The following LIMD1 variants were observed in gnomAD, a reference collection of about 807,000 sequenced individuals.
LIMD1 encodes the protein LIM domain containing 1.
Under a neutral mutation model 58.4 loss-of-function variants are expected in LIMD1, and 23 were observed. The observed-to-expected ratio is 0.39, with a 90% CI of 0.28 to 0.56. The LOEUF (loss-of-function observed/expected upper bound fraction) is 0.56. Among genes scored for constraint, LIMD1 ranks in the 20% least tolerant of loss-of-function variants. The pLI, the probability that LIMD1 is intolerant of heterozygous loss-of-function variation, is 0.57. For missense variants in LIMD1, 838 were observed against 855.5 expected (o/e 0.98, Z 0.25); for synonymous variants, 334 against 345.5 (o/e 0.97, Z 0.37).
At chr3:45,663,607 G>T (rs1409041081) in intron 2 of LIMD1, among the ~76,000 whole-genome samples, 1 of 152,140 alleles carries the variant, frequency 6.6e-6, no homozygotes, top group Non-Finnish European at 1.5e-5. Context: ...TATTCCTAAG[G>T]TATAACAGGT....
At chr3:45,618,558 G>A (rs981007838) in intron 1 of LIMD1, among the ~76,000 whole-genome samples, 2 of 152,104 alleles carry the variant, frequency 1.3e-5, no homozygotes, top group African/African-American at 4.8e-5. Flanking sequence ...ATCTTTTTAT[G>A]AATTCACTGT....
At chr3:45,598,301 T>C (rs1012254343) in intron 1 of LIMD1, among the ~76,000 whole-genome samples, 5 of 152,368 alleles carry the variant, frequency 3.3e-5, no homozygotes, top group African/African-American at 1.2e-4. Flanking sequence ...CTGTGAACTA[T>C]CTTTTCTCCT....
intron 2 of LIMD1, among the ~76,000 whole-genome samples, chr3:45,646,282 G>A (rs919735702): frequency 4.6e-5 from 7 of 152,230 alleles, no homozygotes; most frequent in Admixed American, 1.3e-4. Flanking sequence ...CTCACTGTGC[G>A]TCAGTCGCCA....
rs1701341589 is a variant in LIMD1, at chr3:45,595,825, T to G, written c.946T>G (p.Ser316Ala). 1 of 1,614,132 alleles carries G rather than the reference T, an allele frequency of 6.2e-7. No homozygotes were observed. The highest frequency in any genetic ancestry group is 8.5e-7 in the Non-Finnish European group (1 of 1,180,014). Reference protein sequence around the residue: ...PRQGGLPRSNSGLGGEVSGVM... With the variant: ...PRQGGLPRSNAGLGGEVSGVM... ...GCAAGGAGGTCTTCCAAGATCAAAC[T>G]CGGGGCTGGGGGGTGAGGTTTCAGG... is the stretch of plus-strand genomic sequence containing the variant. Residue 316 changes from serine to alanine, a missense_variant, in exon 1 of 8, where the codon TCG (serine) becomes GCG (alanine). By Grantham distance (99) the Ser-to-Ala change is moderately conservative (BLOSUM62 1). Around this residue, in one of 3 missense-constraint regions of LIMD1, gnomAD observed 659 missense variants for 639.8 expected, o/e 1.03. Transcript: ENST00000273317.
chr3:45,602,018 C>T (rs940377036), intron 1 of LIMD1, among the ~76,000 whole-genome samples: 1 of 151,574 alleles, frequency 6.6e-6, no homozygotes, highest in African/African-American at 2.4e-5. Context: ...TCTTGGCTCA[C>T]TGCAAGCTCC....
chr3:45,653,116 ATAT>A (rs1211835866), intron 2 of LIMD1, among the ~76,000 whole-genome samples: 2 of 152,160 alleles, frequency 1.3e-5, no homozygotes, highest in African/African-American at 2.4e-5. Flanking sequence ...TCATTTTTCT[ATAT>A]TATTGTATTT....
At chr3:45,647,744 C>T (rs562422213) in intron 2 of LIMD1, among the ~76,000 whole-genome samples, 2 of 152,324 alleles carry the variant, frequency 1.3e-5, no homozygotes, top group East Asian at 3.9e-4. Context: ...TAGTCCAGTT[C>T]TTTTGCCTGG....
At chr3:45,668,052 A>G (rs976945076) in intron 3 of LIMD1, among the ~76,000 whole-genome samples, 1 of 152,218 alleles carries the variant, frequency 6.6e-6, no homozygotes, top group African/African-American at 2.4e-5. Context: ...AGAGCCTGGC[A>G]TGCTGTGGGT....
rs1435216363 is a variant in LIMD1, at chr3:45,684,825, T to A, written c.*7766T>A. The A allele has an allele frequency of 6.6e-6, 1 of 152,176 alleles. No individual in the cohort carries two copies. The allele number at this position is 152,176 out of a possible 1,614,324, so 9.4% of individuals were successfully genotyped here. A position where few individuals can be genotyped will look rare whatever the true frequency, so the allele number is the denominator to read the frequency against. ...TCTTCCATATTGGATGCACCTGTCT[T>A]CCAGGTGCAGCTGCCGGCATTTATC... On this transcript the variant is annotated 3_prime_UTR_variant, in exon 8 of 8. Transcript: ENST00000273317.
chr3:45,595,817 G>A lies in LIMD1; in HGVS notation c.938G>A (p.Arg313Lys), dbSNP rs1701341445. The change falls in exon 1 of 8, where the codon AGA becomes AAA. Residue 313 changes from arginine (R) to lysine (K), a missense_variant. Coordinates refer to ENST00000273317, the MANE Select transcript of LIMD1 (RefSeq NM_014240.3). ...LSCPRQGGLP[R>K]SNSGLGGEVS... ...TGCCCCAGGCAAGGAGGTCTTCCAA[G>A]ATCAAACTCGGGGCTGGGGGGTGAG... 3 of 1,614,174 alleles carry A rather than the reference G, an allele frequency of 1.9e-6. No homozygotes were observed. The African/African-American group carries it at 4.0e-5, about 22-fold the overall frequency.
intron 2 of LIMD1, among the ~76,000 whole-genome samples, chr3:45,654,892 C>T (rs1337039364): frequency 2.0e-5 from 3 of 147,680 alleles, no homozygotes; most frequent in Non-Finnish European, 3.0e-5. Context: ...GGAGTGGATT[C>T]TCTGTGAGTC....
chr3:45,674,645 G>A, intron 7 of LIMD1: 1 of 456,510 alleles, frequency 2.2e-6, no homozygotes, highest in East Asian at 3.4e-5. Context: ...TCCTGCAACT[G>A]TTGGAGCTGC....
chr3:45,650,939 T>C (rs1701964859), intron 2 of LIMD1, among the ~76,000 whole-genome samples: 4 of 151,828 alleles, frequency 2.6e-5, no homozygotes, highest in Admixed American at 2.0e-4. Context: ...GTTGAACTAA[T>C]TTACACTCCC....
At chr3:45,600,014 G>A (rs1208176600) in intron 1 of LIMD1, among the ~76,000 whole-genome samples, 6 of 152,304 alleles carry the variant, frequency 3.9e-5, no homozygotes, top group Non-Finnish European at 7.4e-5. Flanking sequence ...CTCCCTTGTC[G>A]GTAGCCTGAG....
intron 1 of LIMD1, among the ~76,000 whole-genome samples, chr3:45,617,034 ATT>A (rs35895557): frequency 5.3e-5 from 6 of 114,090 alleles, no homozygotes; most frequent in Non-Finnish European, 3.5e-5. Flanking sequence ...TGCCTGGCCT[ATT>A]TTTTTTTTTT....
At chr3:45,649,649 C>A (rs1701943609) in intron 2 of LIMD1, among the ~76,000 whole-genome samples, 1 of 146,872 alleles carries the variant, frequency 6.8e-6, no homozygotes, top group Non-Finnish European at 1.5e-5. Context: ...CCACTGCACT[C>A]CAGCCTGGGC....
chr3:45,658,779 T>C (rs1185836161), intron 2 of LIMD1, among the ~76,000 whole-genome samples: 2 of 151,788 alleles, frequency 1.3e-5, no homozygotes, highest in Non-Finnish European at 1.5e-5. Flanking sequence ...GGTCTTGAAC[T>C]CCCGACTTCA....
chr3:45,620,813 C>T (rs965860329), intron 1 of LIMD1, among the ~76,000 whole-genome samples: 3 of 152,212 alleles, frequency 2.0e-5, no homozygotes, highest in Admixed American at 6.5e-5. Context: ...CTTCATAAAG[C>T]TCTTGCGCTA....
At chr3:45,668,725 C>T (rs540992174) in intron 4 of LIMD1, among the ~76,000 whole-genome samples, 2 of 149,520 alleles carry the variant, frequency 1.3e-5, no homozygotes, top group East Asian at 4.0e-4. Context: ...TGCACTCCAG[C>T]CTGGGCAACA....
Sources: allele counts gnomAD v4.1 joint callset (sites outside exome capture counted in the v4.1 genomes callset), GRCh38; gene constraint gnomAD v4.1.1; regional missense constraint gnomAD v4.1.1; transcripts MANE v1.5; gene names NCBI Gene and HGNC (gene_info 2026-07-23, HGNC 2026-07-21).